Variants in EDARADD observed in about 807,000 individuals in gnomAD.
EDARADD encodes the protein ectodysplasin-A receptor-associated adapter protein.
Under a neutral mutation model 25.6 loss-of-function variants are expected in EDARADD, and 20 were observed. The ratio of observed to expected loss-of-function variants is 0.78; its 90% CI spans 0.55 to 1.14. The LOEUF is 1.14. Among genes scored for constraint, EDARADD ranks in the 50% most tolerant of loss-of-function variants. EDARADD has a pLI of 0.00. For synonymous variants in EDARADD, 86 were observed against 94.4 expected (o/e 0.91, Z 0.52); for missense variants, 225 against 270.1 (o/e 0.83, Z 1.17).
At chr1:236,476,931 G>T (rs1659524122) in intron 5 of EDARADD, among the ~76,000 whole-genome samples, 1 of 151,358 alleles carries the variant, frequency 6.6e-6, no homozygotes, top group Non-Finnish European at 1.5e-5. Flanking sequence ...AGTGGAGGCT[G>T]CAGTGAGCCA....
chr1:236,413,330 A>G (rs1005053607), intron 2 of EDARADD, among the ~76,000 whole-genome samples: 3 of 152,232 alleles, frequency 2.0e-5, no homozygotes, highest in Admixed American at 2.0e-4. Flanking sequence ...GGAGGCTTCT[A>G]GAAGTTTTAA....
intron 3 of EDARADD, among the ~76,000 whole-genome samples, chr1:236,353,124 A>C (rs992997094): frequency 3.9e-5 from 6 of 152,214 alleles, no homozygotes; most frequent in Non-Finnish European, 8.8e-5. Context: ...GGATTGTCAC[A>C]GGACTCCAGC....
At chr1:236,451,940 C>T (rs540721388) in intron 4 of EDARADD, among the ~76,000 whole-genome samples, 1 of 152,198 alleles carries the variant, frequency 6.6e-6, no homozygotes, top group African/African-American at 2.4e-5. Context: ...CCTTGCACCT[C>T]TTACCTGAGC....
intron 2 of EDARADD, among the ~76,000 whole-genome samples, chr1:236,410,541 TG>T (rs1303037702): frequency 6.6e-6 from 1 of 152,154 alleles, no homozygotes; most frequent in Non-Finnish European, 1.5e-5. Context: ...GGACAGTTAA[TG>T]GAAGTGTGCC....
At chr1:236,440,714 T>G (rs79159247) in intron 4 of EDARADD, among the ~76,000 whole-genome samples, 7,826 of 152,226 alleles carry the variant, frequency 0.051, 583 homozygotes, top group African/African-American at 0.16. Flanking sequence ...TGGTATTTGT[T>G]ATGATGATCT....
chr1:236,367,602 C>T (rs920943550), intron 3 of EDARADD, among the ~76,000 whole-genome samples: 2 of 152,024 alleles, frequency 1.3e-5, no homozygotes, highest in Non-Finnish European at 2.9e-5. Flanking sequence ...TGGGCTCAAG[C>T]GATCCTCCAG....
At chr1:236,380,562 A>G (rs956582583) in intron 3 of EDARADD, among the ~76,000 whole-genome samples, 2 of 152,224 alleles carry the variant, frequency 1.3e-5, no homozygotes, top group African/African-American at 4.8e-5. Flanking sequence ...TTTTAATTAC[A>G]TAAAAATACA....
intron 3 of EDARADD, among the ~76,000 whole-genome samples, chr1:236,416,234 G>A (rs768653873): frequency 2.6e-4 from 39 of 152,206 alleles, no homozygotes; most frequent in Non-Finnish European, 3.7e-4. Context: ...AGAATTCAGT[G>A]AAATAAATCG....
Position 236,395,332 on chromosome 1 carries a change from C to G in EDARADD, c.61+827C>G. ...GACACTCGGGGCCCCGCCTTGCGTC[C>G]CAGCCCCGGGTCGCGGCACCCCGGC... On this transcript the variant is annotated intron_variant, in intron 1 of 5. Transcript: ENST00000334232. The surrounding 1 kb of genome is among the most constrained non-coding windows in gnomAD (Gnocchi z 6.9). The G allele has an allele frequency of 7.7e-7, 1 of 1,306,570 alleles. No homozygotes were observed. Among genetic ancestry groups the G allele is most frequent in the African/African-American group, 1.6e-5 (1 of 63,512 alleles). The allele number at this position is 1,306,570 out of a possible 1,614,324, so 80.9% of individuals were successfully genotyped here.
chr1:236,393,414 G>A (rs1162716193), upstream of EDARADD, among the ~76,000 whole-genome samples: 2 of 6,280 alleles, frequency 3.2e-4, no homozygotes, highest in South Asian at 0.011. Context: ...TTTTTTTTTT[G>A]AGACAGAGTC....
chr1:236,426,810 A>G (rs684485), intron 3 of EDARADD, among the ~76,000 whole-genome samples: 68,371 of 152,114 alleles, frequency 0.45, 17,671 homozygotes, highest in Non-Finnish European at 0.59. Context: ...TGGGAGGATC[A>G]CATGAGCCTA....
At chr1:236,475,924 C>T (rs923836487) in intron 5 of EDARADD, among the ~76,000 whole-genome samples, 1 of 152,046 alleles carries the variant, frequency 6.6e-6, no homozygotes, top group Non-Finnish European at 1.5e-5. Context: ...GGCGCGGTGG[C>T]TCATGCCCGT....
At chr1:236,429,019 C>G (rs1419780077) in intron 4 of EDARADD, among the ~76,000 whole-genome samples, 1 of 152,090 alleles carries the variant, frequency 6.6e-6, no homozygotes, top group South Asian at 2.1e-4. Context: ...GCCTGCAATC[C>G]CAGGCACTCG....
rs191340928 is a variant in EDARADD at position 236,426,798 on chromosome 1, G to T, written c.161-594G>T. On this transcript the variant is annotated intron_variant, in intron 3 of 5. Coordinates refer to ENST00000334232, the MANE Select transcript of EDARADD (RefSeq NM_145861.4). Reference sequence around the variant, plus strand: ...TCTTCCCAGATACTTGGGAGGCTGAGGTGGGAGGATCACATGAGCCTAGGA... The same window carrying T: ...TCTTCCCAGATACTTGGGAGGCTGATGTGGGAGGATCACATGAGCCTAGGA... Among the ~76,000 whole-genome samples, 206 of 152,342 alleles carry T rather than the reference G, an allele frequency of 1.4e-3. No homozygotes were observed. In the East Asian group the frequency reaches 0.02, roughly 15 times the overall value.
chr1:236,360,825 G>C (rs1259542074), intron 3 of EDARADD, among the ~76,000 whole-genome samples: 1 of 152,044 alleles, frequency 6.6e-6, no homozygotes, highest in South Asian at 2.1e-4. Flanking sequence ...GGGATTAGAA[G>C]TGTGAGCCAC....
At position 236,483,713 on chromosome 1, in the gene EDARADD, C is replaced by T; in HGVS notation, c.*1064C>T. 12 of 1,551,006 alleles carry T rather than the reference C, an allele frequency of 7.7e-6. No homozygotes were observed. The highest frequency in any genetic ancestry group is 1.1e-5 in the Non-Finnish European group (12 of 1,124,300). The stretch of plus-strand genomic sequence containing the variant: ...CAGCAAACTTCAGGGAAGCCATGCC[C>T]ATTGGAGCGGAGGTTTACCACAGCC... On this transcript the variant is annotated 3_prime_UTR_variant, in exon 6 of 6. Transcript: ENST00000334232.
Position 236,483,201 on chromosome 1 carries a change from G to A in EDARADD, c.*552G>A. 6.3e-7 allele frequency: 1 copy of A among 1,578,372 alleles called. No individual in the cohort carries two copies. Among genetic ancestry groups the A allele is most frequent in the Non-Finnish European group, 8.7e-7 (1 of 1,149,594 alleles). On this transcript the variant is annotated 3_prime_UTR_variant, in exon 6 of 6. Transcript: ENST00000334232. ...CAAGATCCATGCCAGGGAGCTCTTT[G>A]ACTCTCGTGGGAATCCCACTGTTGA...
At chr1:236,466,692 A>G (rs1358127652) in intron 4 of EDARADD, among the ~76,000 whole-genome samples, 1 of 152,212 alleles carries the variant, frequency 6.6e-6, no homozygotes, top group Non-Finnish European at 1.5e-5. Flanking sequence ...AGGTATGTAC[A>G]CTGCTGAGAC....
chr1:236,361,635 T>TTATA (rs146661697), intron 3 of EDARADD, among the ~76,000 whole-genome samples: 5 of 134,166 alleles, frequency 3.7e-5, no homozygotes, highest in South Asian at 2.3e-4. Flanking sequence ...CAGCCAAATT[T>TTATA]TATATATATA....
Sources: gnomAD v4.1 joint callset for allele counts (sites outside exome capture counted in the v4.1 genomes callset) on GRCh38, gnomAD v4.1.1 for gene constraint, Gnocchi (gnomAD v3.1) non-coding constraint, MANE v1.5 for transcripts, NCBI Gene and HGNC (gene_info 2026-07-23, HGNC 2026-07-21) for gene names.